The following USP43 variants were observed in gnomAD, a reference collection of about 807,000 sequenced individuals.
USP43 encodes ubiquitin specific peptidase 43, also known as ubiquitin carboxyl-terminal hydrolase 43.
USP43 carries 33 observed loss-of-function variants against 90.7 expected under a neutral mutation model. The ratio of observed to expected loss-of-function variants is 0.36; its 90% CI spans 0.28 to 0.49. The LOEUF (loss-of-function observed/expected upper bound fraction) is 0.49, where lower values mean the gene tolerates loss of function less well. Among genes scored for constraint, USP43 ranks in the 20% least tolerant of loss-of-function variants. The pLI, the probability that USP43 is intolerant of heterozygous loss-of-function variation, is 0.98. For synonymous variants in USP43, 598 were observed against 615.8 expected, an observed-to-expected ratio of 0.97 and a Z score of 0.43; for missense variants, 1,274 against 1,476.4, an observed-to-expected ratio of 0.86 and a Z score of 2.25.
intron 1 of USP43, among the ~76,000 whole-genome samples, chr17:9,652,405 A>G (rs1032374734): frequency 4.7e-5 from 7 of 149,448 alleles, no homozygotes; most frequent in African/African-American, 1.7e-4. Context: ...TCTGTTGCCC[A>G]GGCTGGAGTG....
chr17:9,648,938 CCTCTCTCTCT>C (rs112759856), intron 1 of USP43, among the ~76,000 whole-genome samples: 1 of 129,816 alleles, frequency 7.7e-6, no homozygotes, highest in Non-Finnish European at 1.6e-5. Flanking sequence ...TGTCTCTCTC[CCTCTCTCTCT>C]CTCTCTCTCT....
chr17:9,716,154 C>G (rs1916558567), intron 14 of USP43, among the ~76,000 whole-genome samples: 1 of 151,884 alleles, frequency 6.6e-6, no homozygotes, highest in Admixed American at 6.6e-5. Flanking sequence ...GTTCCTTCAG[C>G]CAGAAAGTGG....
At chr17:9,682,392 A>AC (rs1421968677) in intron 6 of USP43, among the ~76,000 whole-genome samples, 1 of 152,006 alleles carries the variant, frequency 6.6e-6, no homozygotes, top group Non-Finnish European at 1.5e-5. Context: ...ACATGGTGAA[A>AC]CCCCATCTCT....
chr17:9,655,469 G>T (rs1912177117), intron 1 of USP43, among the ~76,000 whole-genome samples: 1 of 152,190 alleles, frequency 6.6e-6, no homozygotes, highest in South Asian at 2.1e-4. Context: ...TTTTCTTATT[G>T]AATTATTGTT....
intron 14 of USP43, among the ~76,000 whole-genome samples, chr17:9,725,224 C>CT (rs1385860842): frequency 6.9e-6 from 1 of 143,946 alleles, no homozygotes; most frequent in Admixed American, 7.3e-5. Context: ...TGCTGTGGGG[C>CT]TTTATAACCT....
intron 2 of USP43, among the ~76,000 whole-genome samples, chr17:9,664,953 C>A (rs9914021): frequency 6.6e-6 from 1 of 152,000 alleles, no homozygotes; most frequent in Non-Finnish European, 1.5e-5. Flanking sequence ...TATATAGGTA[C>A]GTTTATATTT....
chr17:9,648,187 G>A (rs1453762169), intron 1 of USP43, among the ~76,000 whole-genome samples: 1 of 152,228 alleles, frequency 6.6e-6, no homozygotes, highest in Non-Finnish European at 1.5e-5. Flanking sequence ...TGTTAATGAG[G>A]GAGATACAAT....
intron 14 of USP43, among the ~76,000 whole-genome samples, chr17:9,712,622 T>C (rs571265819): frequency 6.5e-4 from 99 of 152,024 alleles, no homozygotes; most frequent in African/African-American, 2.3e-3. Flanking sequence ...GAGCATTGGA[T>C]GTGTGAGGGG....
Position 9,701,233 on chromosome 17 carries a change from C to G in USP43, c.1650C>G (p.Thr550=), listed in dbSNP as rs371315013. ...CTLDECFQFY[T]KEEQLAQDDA... ...TGGATGAATGTTTTCAGTTCTACAC[C>G]AAGGAGGAGCAGGTCCCGCCCTGGG... The change falls in exon 11 of 15, where the codon ACC becomes ACG. Residue 550 remains threonine, a synonymous_variant. Transcript: ENST00000285199. This position sits in a 1 kb window ranked among gnomAD's most constrained non-coding sequence, Gnocchi z 7.2. 49 of 1,606,120 alleles carry G rather than the reference C, an allele frequency of 3.1e-5. 2 individuals carry two copies. The African/African-American group carries it at 4.3e-4, about 14-fold the overall frequency.
Position 9,686,739 on chromosome 17 carries a change from C to G in USP43, c.1242-59C>G. On this transcript the variant is annotated intron_variant, in intron 7 of 14. Transcript: ENST00000285199. The surrounding 1 kb of genome is among the most constrained non-coding windows in gnomAD (Gnocchi z 5.5). The stretch of plus-strand genomic sequence containing the variant: ...CCAGGGTTAGAACAACCACTCATGA[C>G]TGGTGGATGTTGCTGGTTTTTCCTT... The G allele has an allele frequency of 1.4e-6, 2 of 1,459,004 alleles. No homozygotes were observed. The highest frequency in any genetic ancestry group is 1.9e-6 in the Non-Finnish European group (2 of 1,050,948). 90.4% of individuals were successfully genotyped at this position (1,459,004 alleles called of 1,614,324 possible).
Position 9,681,490 on chromosome 17 carries a change from A to T in USP43, c.1105+1124A>T, listed in dbSNP as rs1175078288. Reference sequence around the variant, plus strand: ...TATATATATATATATATATATATATATATATATATATATATATATTTGAGA... The same window carrying T: ...TATATATATATATATATATATATATTTATATATATATATATATATTTGAGA... On this transcript the variant is annotated intron_variant, in intron 6 of 14. Coordinates refer to ENST00000285199, the MANE Select transcript of USP43 (RefSeq NM_153210.5). 6.8e-3 allele frequency among the ~76,000 whole-genome samples: 401 copies of T among 58,652 alleles called. 18 individuals are homozygous for T. Among genetic ancestry groups the T allele is most frequent in the South Asian group, 0.02 (35 of 1,758 alleles). 38.5% of individuals were successfully genotyped at this position (58,652 alleles called of 152,430 possible).
intron 8 of USP43, 64 bp from the exon 9 acceptor site, chr17:9,693,063 T>C: frequency 8.2e-7 from 1 of 1,220,438 alleles, no homozygotes; most frequent in African/African-American, 1.5e-5. Context: ...TGCGCCCCTT[T>C]AGAGTCTAAT....
At chr17:9,702,348 T>C (rs1487050802) in intron 12 of USP43, among the ~76,000 whole-genome samples, 2 of 152,156 alleles carry the variant, frequency 1.3e-5, no homozygotes, top group African/African-American at 4.8e-5. Flanking sequence ...AGACCGTGTC[T>C]CCAAAACAAA....
chr17:9,702,302 A>T (rs149318765), intron 12 of USP43, among the ~76,000 whole-genome samples: 45 of 152,278 alleles, frequency 3.0e-4, no homozygotes, highest in African/African-American at 1.1e-3. Flanking sequence ...GTGAACCATG[A>T]TTGCACCACT....
At chr17:9,672,690 T>TG (rs1913518351) in intron 3 of USP43, among the ~76,000 whole-genome samples, 1 of 152,184 alleles carries the variant, frequency 6.6e-6, no homozygotes, top group African/African-American at 2.4e-5. Flanking sequence ...GTTCACTGTC[T>TG]GATACAATGC....
chr17:9,700,235 C>A lies in USP43; in HGVS notation c.1521C>A (p.Ser507Arg). The A allele has an allele frequency of 6.2e-7, 1 of 1,601,112 alleles. No homozygotes were observed. Among genetic ancestry groups the A allele is most frequent in the Non-Finnish European group, 8.5e-7 (1 of 1,174,188 alleles). ...PHVKLAVEWDSSVKERLFGSL... is the reference protein window; with the variant it reads ...PHVKLAVEWDRSVKERLFGSL... ...TCAAGCTGGCGGTGGAGTGGGATAG[C>A]TCTGTCAAGGAGCGGTGAGTTCAAG... Residue 507 changes from serine to arginine, a missense_variant, in exon 10 of 15, where the codon AGC becomes AGA. Physicochemically the swap from Ser to Arg is moderately radical, Grantham distance 110. Coordinates refer to ENST00000285199, the MANE Select transcript of USP43 (RefSeq NM_153210.5).
intron 12 of USP43, among the ~76,000 whole-genome samples, chr17:9,706,330 A>G (rs919918813): frequency 1.3e-5 from 2 of 152,190 alleles, no homozygotes; most frequent in African/African-American, 4.8e-5. Context: ...AATTTTTGCC[A>G]TGCAGAAAGT....
At chr17:9,677,138 T>C (rs1397942316) in intron 5 of USP43, among the ~76,000 whole-genome samples, 1 of 152,184 alleles carries the variant, frequency 6.6e-6, no homozygotes, top group Non-Finnish European at 1.5e-5. Flanking sequence ...ATTCCAGCAA[T>C]AGCTACCCCT....
At chr17:9,670,031 G>A (rs1913296734) in intron 3 of USP43, among the ~76,000 whole-genome samples, 1 of 149,650 alleles carries the variant, frequency 6.7e-6, no homozygotes, top group Admixed American at 6.7e-5. Flanking sequence ...TAGTTTCAGA[G>A]GTGACTGCTT....
Sources: gnomAD v4.1 joint callset for allele counts (sites outside exome capture counted in the v4.1 genomes callset) on GRCh38, gnomAD v4.1.1 for gene constraint, Gnocchi (gnomAD v3.1) non-coding constraint, MANE v1.5 for transcripts, NCBI Gene and HGNC (gene_info 2026-07-23, HGNC 2026-07-21) for gene names.